The following KDM4C variants were observed in gnomAD, a reference collection of about 807,000 sequenced individuals.
KDM4C encodes the protein lysine demethylase 4C.
Under a neutral mutation model 129.3 loss-of-function variants are expected in KDM4C, and 81 were observed. The observed-to-expected ratio is 0.63, with a 90% CI of 0.52 to 0.75. The LOEUF is 0.75. Ranked by LOEUF, KDM4C falls within the 30% of genes least tolerant of loss-of-function variation. The probability of loss-of-function intolerance (pLI) is 0.00; values close to 1 mark genes in which losing one functional copy is unlikely to be tolerated. For synonymous variants in KDM4C, 573 were observed against 456.1 expected (o/e 1.26, Z -3.26); for missense variants, 1,457 against 1,304.0 (o/e 1.12, Z -1.81).
intron 20 of KDM4C, among the ~76,000 whole-genome samples, chr9:7,165,596 T>C (rs1399976013): frequency 6.6e-6 from 1 of 152,244 alleles, no homozygotes; most frequent in African/African-American, 2.4e-5. Context: ...GTAAGGAATA[T>C]GGTTCTGCCA....
intron 17 of KDM4C, among the ~76,000 whole-genome samples, chr9:7,083,302 A>C (rs1482098023): frequency 2.0e-5 from 3 of 152,156 alleles, no homozygotes; most frequent in Admixed American, 1.3e-4. Context: ...ATTTCTGTTG[A>C]GTGTTTTGTT....
At chr9:6,735,319 A>C (rs1431456208) in intron 1 of KDM4C, among the ~76,000 whole-genome samples, 1 of 152,220 alleles carries the variant, frequency 6.6e-6, no homozygotes, top group Non-Finnish European at 1.5e-5. Context: ...TATTGCTATC[A>C]GTATTAAACT....
intron 4 of KDM4C, among the ~76,000 whole-genome samples, chr9:6,822,542 A>G (rs1175917922): frequency 6.6e-6 from 1 of 152,224 alleles, no homozygotes; most frequent in Non-Finnish European, 1.5e-5. Context: ...AGTAAGTCCT[A>G]GATGATTCTT....
intron 8 of KDM4C, chr9:6,925,511 C>A: frequency 2.3e-6 from 2 of 861,474 alleles, no homozygotes; most frequent in Non-Finnish European, 2.8e-6. Context: ...GCTCATGCTG[C>A]TTTCAATCTC....
intron 5 of KDM4C, among the ~76,000 whole-genome samples, chr9:6,862,601 G>C (rs1273886112): frequency 6.6e-6 from 1 of 152,028 alleles, no homozygotes; most frequent in African/African-American, 2.4e-5. Flanking sequence ...TCAGGAGTTC[G>C]AGACCAGCCT....
chr9:7,017,643 G>C (rs192538661), intron 15 of KDM4C, among the ~76,000 whole-genome samples: 1 of 152,174 alleles, frequency 6.6e-6, no homozygotes, highest in Admixed American at 6.5e-5. Context: ...TGAAAGTGAC[G>C]AACAATCAGA....
chr9:7,084,710 A>G lies in KDM4C; in HGVS notation c.2425-18975A>G, dbSNP rs115915942. On this transcript the variant is annotated intron_variant, in intron 17 of 21. Transcript: ENST00000381309. ...CAGTAATAATACTATTGCTTACCTCAATGAATGGAACATGTAATACCCTCA... is the reference window on the plus strand; with the variant it reads ...CAGTAATAATACTATTGCTTACCTCGATGAATGGAACATGTAATACCCTCA... Among the ~76,000 whole-genome samples, 1,018 of 152,310 alleles carry G rather than the reference A, an allele frequency of 6.7e-3. 9 individuals are homozygous for G. Among genetic ancestry groups the G allele is most frequent in the African/African-American group, 0.023 (958 of 41,560 alleles).
At chr9:6,997,938 C>T (rs1374235788) in intron 12 of KDM4C, among the ~76,000 whole-genome samples, 2 of 152,196 alleles carry the variant, frequency 1.3e-5, no homozygotes, top group African/African-American at 4.8e-5. Context: ...TGGAAAGATG[C>T]AGATAACCAA....
At position 6,898,337 on chromosome 9, in the gene KDM4C, CAT is replaced by C. The variant is rs1209561469; in HGVS notation, c.921+5108_921+5109del. Among the ~76,000 whole-genome samples the C allele has an allele frequency of 1.1e-4, 16 of 152,246 alleles. No individual in the cohort carries two copies. In the South Asian group the frequency reaches 3.1e-3, roughly 30 times the overall value. ...AAAGAATCATTGTCTTGGGGACAGT[CAT>C]ATCTCGTTTATACCGTCTGAAGCAG... On this transcript the variant is annotated intron_variant, in intron 8 of 21. Transcript: ENST00000381309.
At chr9:6,919,137 C>G (rs534649346) in intron 8 of KDM4C, among the ~76,000 whole-genome samples, 1 of 152,122 alleles carries the variant, frequency 6.6e-6, no homozygotes, top group Non-Finnish European at 1.5e-5. Context: ...AGGTGTGAGC[C>G]ACCACGCCCA....
chr9:6,764,141 C>T (rs1485487911), intron 1 of KDM4C, among the ~76,000 whole-genome samples: 1 of 152,182 alleles, frequency 6.6e-6, no homozygotes, highest in Admixed American at 6.5e-5. Context: ...GCTTTTATTA[C>T]ATTTTAGTTG....
intron 15 of KDM4C, among the ~76,000 whole-genome samples, chr9:7,019,245 G>T (rs991559837): frequency 2.6e-5 from 4 of 152,146 alleles, no homozygotes; most frequent in African/African-American, 7.2e-5. Flanking sequence ...TGGCTGCAAT[G>T]ATTGCATTTT....
rs778334731 is a variant in KDM4C at position 6,990,427 on chromosome 9, A to C, written c.1689A>C (p.Gly563=). Reference sequence around the variant, plus strand: ...TGTTCTATAACTAGATAGCAGAGGGAGAGAACAAAACCTCTAAGAGTTGGC... The same window carrying C: ...TGTTCTATAACTAGATAGCAGAGGGCGAGAACAAAACCTCTAAGAGTTGGC... The part of the protein sequence containing the change: ...NSFKVPSIAE[G]ENKTSKSWRH... Residue 563 remains glycine (G), a synonymous_variant, in exon 12 of 22, where the codon GGA becomes GGC. Coordinates refer to ENST00000381309, the MANE Select transcript of KDM4C (RefSeq NM_015061.6). The C allele has an allele frequency of 1.2e-6, 2 of 1,610,264 alleles. No homozygotes were observed. Among genetic ancestry groups the C allele is most frequent in the Non-Finnish European group, 1.7e-6 (2 of 1,177,574 alleles).
chr9:7,105,210 C>A (rs1035006101), intron 18 of KDM4C, among the ~76,000 whole-genome samples: 1 of 152,172 alleles, frequency 6.6e-6, no homozygotes, highest in Non-Finnish European at 1.5e-5. Flanking sequence ...AATAGGATTA[C>A]CTCATTAGAG....
chr9:6,993,010 A>C (rs1819029780), intron 12 of KDM4C, among the ~76,000 whole-genome samples: 1 of 152,190 alleles, frequency 6.6e-6, no homozygotes, highest in Non-Finnish European at 1.5e-5. Context: ...TCTTTAGGAC[A>C]GTGCAGTGGC....
At chr9:7,049,897 A>G (rs1213520242) in intron 17 of KDM4C, among the ~76,000 whole-genome samples, 1 of 152,166 alleles carries the variant, frequency 6.6e-6, no homozygotes, top group Admixed American at 6.6e-5. Flanking sequence ...CCAAAGTTCA[A>G]CTGCATGACC....
intron 17 of KDM4C, 55 bp downstream of exon 17, chr9:7,049,255 G>C (rs1829829438): frequency 1.0e-6 from 1 of 965,600 alleles, no homozygotes; most frequent in African/African-American, 1.7e-5. Context: ...TTCAAGTTCT[G>C]AATTTTTCCA....
rs149723118 is a variant in KDM4C, at chr9:6,854,717, T to A, written c.629+5017T>A. On this transcript the variant is annotated intron_variant, in intron 5 of 21. Transcript: ENST00000381309. ...TTGGACATTGTTAAATTTCATTCAG[T>A]AAACTGAGATTTTGTTAAAATACTG... Among the ~76,000 whole-genome samples, 548 of 152,292 alleles carry A rather than the reference T, an allele frequency of 3.6e-3. 7 individuals carry two copies. Among genetic ancestry groups the A allele is most frequent in the African/African-American group, 0.013 (523 of 41,562 alleles).
intron 19 of KDM4C, among the ~76,000 whole-genome samples, chr9:7,150,152 T>C (rs1385182366): frequency 6.6e-6 from 1 of 152,212 alleles, no homozygotes; most frequent in African/African-American, 2.4e-5. Context: ...AGGTTGACAA[T>C]GCCGGAGCCC....
Sources: gnomAD v4.1 joint callset for allele counts (sites outside exome capture counted in the v4.1 genomes callset) on GRCh38, gnomAD v4.1.1 for gene constraint, MANE v1.5 for transcripts, NCBI Gene and HGNC (gene_info 2026-07-23, HGNC 2026-07-21) for gene names.